HECTD4: variants seen among roughly 807,000 people sequenced by gnomAD.
The protein encoded by HECTD4 is probable E3 ubiquitin-protein ligase HECTD4.
HECTD4 carries 114 observed loss-of-function variants against 471.5 expected under a neutral mutation model. The ratio of observed to expected loss-of-function variants is 0.24; its 90% confidence interval spans 0.21 to 0.28. HECTD4 has a LOEUF of 0.28. HECTD4 is among the 10% of genes least tolerant of loss of function. The pLI, the probability that HECTD4 is intolerant of heterozygous loss-of-function variation, is 1.00. For synonymous variants in HECTD4, 2,012 were observed against 2,256.0 expected (o/e 0.89, Z 3.07); for missense variants, 3,866 against 5,651.5 (o/e 0.68, Z 10.13).
At chr12:112,269,345 AGTCTAGAACCCAG>A (rs1023950047) in intron 13 of HECTD4, among the ~76,000 whole-genome samples, 3 of 152,192 alleles carry the variant, frequency 2.0e-5, no homozygotes, top group African/African-American at 7.2e-5. Context: ...TGAGTGGCAA[AGTCTAGAACCCAG>A]GTCTGCCTGT....
At chr12:112,220,277 G>A (rs1291165292) in intron 44 of HECTD4, among the ~76,000 whole-genome samples, 1 of 151,988 alleles carries the variant, frequency 6.6e-6, no homozygotes, top group African/African-American at 2.4e-5. Context: ...GGCACACTGC[G>A]AAGTGTTGGA....
In HECTD4 at chr12:112,274,705, CAAACA is replaced by C. The variant is rs200991188; in HGVS notation, c.1801+137_1801+141del. On this transcript the variant is annotated intron_variant, in intron 10 of 75. Coordinates refer to ENST00000682272, the MANE Select transcript of HECTD4 (RefSeq NM_001388303.1). ...CTAGGTGACAGAAGAGACCCTGTCT[CAAACA>C]AAACAAAACAAAACAAAACAAAAAA... 37,068 of 619,952 alleles carry C rather than the reference CAAACA, an allele frequency of 0.06. 7,890 individuals carry two copies. The East Asian group carries it at 0.63, about 11-fold the overall frequency. The allele number at this position is 619,952 out of a possible 1,614,324, so 38.4% of individuals were successfully genotyped here.
intron 1 of HECTD4, among the ~76,000 whole-genome samples, chr12:112,360,931 C>T (rs1412325092): frequency 1.3e-5 from 2 of 150,350 alleles, no homozygotes; most frequent in South Asian, 2.1e-4. Flanking sequence ...TTGCAGTGAG[C>T]TGAGATCGCG....
At chr12:112,364,980 T>C (rs750593037) in intron 1 of HECTD4, among the ~76,000 whole-genome samples, 1 of 152,314 alleles carries the variant, frequency 6.6e-6, no homozygotes, top group East Asian at 1.9e-4. Flanking sequence ...GCAGACAATA[T>C]GTAAACAAAT....
chr12:112,264,113 A>C lies in HECTD4; in HGVS notation c.2719T>G (p.Ser907Ala), dbSNP rs769122361. Residue 907 changes from serine (S) to alanine (A), a missense_variant, in exon 17 of 76, where the codon TCC (serine) becomes GCC (alanine). By Grantham distance (99) the Ser-to-Ala change is moderately conservative. Coordinates refer to ENST00000682272, the MANE Select transcript of HECTD4 (RefSeq NM_001388303.1). The part of the protein sequence containing the change: ...KPDENDDSDS[S>A]LQGETLKVQE... ...ACCTTCAATGTCTCTCCCTGCAAGG[A>C]GCTGTCACTGTCATCATTCTCATCA... The C allele has an allele frequency of 6.2e-7, 1 of 1,610,250 alleles. No homozygotes were observed. Among genetic ancestry groups the C allele is most frequent in the Non-Finnish European group, 8.5e-7 (1 of 1,178,264 alleles).
At chr12:112,371,413 T>C (rs1257547426) in intron 1 of HECTD4, among the ~76,000 whole-genome samples, 5 of 151,790 alleles carry the variant, frequency 3.3e-5, no homozygotes, top group Non-Finnish European at 7.4e-5. Context: ...CCATCTCTTC[T>C]AAAAATACAA....
intron 9 of HECTD4, among the ~76,000 whole-genome samples, chr12:112,275,425 G>T (rs1323113830): frequency 6.6e-6 from 1 of 152,118 alleles, no homozygotes; most frequent in Non-Finnish European, 1.5e-5. Context: ...CTTAACACAG[G>T]ATAGTGCAGT....
At position 112,277,717 on chromosome 12, in the gene HECTD4, T is replaced by G. The variant is rs567636841; in HGVS notation, c.1687+1511A>C. Among the ~76,000 whole-genome samples the G allele has an allele frequency of 2.6e-5, 4 of 152,358 alleles. No homozygotes were observed. The East Asian group carries it at 7.7e-4, about 29-fold the overall frequency. On this transcript the variant is annotated intron_variant, in intron 9 of 75. Transcript: ENST00000682272. ...ATGAATAGAGAATACTCTCCATCTC[T>G]TCTCACATCACACAGCTCTCCAGTT... is the stretch of plus-strand genomic sequence containing the variant.
At chr12:112,272,342 G>T (rs372501673) in intron 11 of HECTD4, among the ~76,000 whole-genome samples, 2 of 152,176 alleles carry the variant, frequency 1.3e-5, no homozygotes, top group African/African-American at 4.8e-5. Context: ...GGGCCACAGC[G>T]CCTAGCCTCA....
chr12:112,172,189 T>C (rs1198349734), intron 67 of HECTD4, among the ~76,000 whole-genome samples: 1 of 152,212 alleles, frequency 6.6e-6, no homozygotes, highest in Admixed American at 6.5e-5. Context: ...AGGCATGAGC[T>C]AGCGCGCCTG....
At chr12:112,357,651 C>T (rs1405147137) in intron 1 of HECTD4, among the ~76,000 whole-genome samples, 1 of 152,058 alleles carries the variant, frequency 6.6e-6, no homozygotes, top group Non-Finnish European at 1.5e-5. Flanking sequence ...CTTTAAGAAC[C>T]TTGTTTACCA....
chr12:112,337,836 T>C (rs2035986311), intron 1 of HECTD4, among the ~76,000 whole-genome samples: 1 of 152,164 alleles, frequency 6.6e-6, no homozygotes, highest in Admixed American at 6.5e-5. Context: ...TTAGTAAAAA[T>C]CTCCTGCTGG....
rs539168788 is a variant in HECTD4 at position 112,382,370 on chromosome 12, A to G, written c.-242T>C. ...CGCCGCCGCCGCCGCCCTCAGGAGC[A>G]GGATCCGCCTCTGCCGCTCGGCAAC... On this transcript the variant is annotated 5_prime_UTR_variant, in exon 1 of 76. Transcript: ENST00000682272. 1.6e-5 allele frequency: 6 copies of G among 364,938 alleles called. 1 individual carries two copies. In the South Asian group the frequency reaches 2.8e-4, roughly 17 times the overall value. The allele number at this position is 364,938 out of a possible 1,614,324, so 22.6% of individuals were successfully genotyped here. A position where few individuals can be genotyped will look rare whatever the true frequency, so the allele number is the denominator to read the frequency against.
chr12:112,330,866 C>G (rs1226927326), intron 1 of HECTD4, among the ~76,000 whole-genome samples: 1 of 152,136 alleles, frequency 6.6e-6, no homozygotes. Flanking sequence ...ACATAAGAAC[C>G]TTTTAATTAG....
intron 18 of HECTD4, 36 bp from the exon 19 acceptor site, chr12:112,259,301 A>C (rs1183615051): frequency 6.2e-7 from 1 of 1,608,788 alleles, no homozygotes. Flanking sequence ...CAGCCTAAGC[A>C]ATGCCCAAAC....
chr12:112,185,396 C>G lies in HECTD4; in HGVS notation c.9570G>C (p.Gln3190His), dbSNP rs761808299. 1.1e-5 allele frequency: 18 copies of G among 1,612,676 alleles called. No individual in the cohort carries two copies. In the South Asian group the frequency reaches 2.0e-4, roughly 18 times the overall value. ...AGGACAGGCCAGCGGGGTGCCGCCT[C>G]TGCTCCAGGGTGTGCACCGTGCGCA... is the stretch of plus-strand genomic sequence containing the variant. ...ELLRTVHTLE[Q>H]RRHPAGLSSS... Residue 3190 changes from glutamine (Q) to histidine (H), a missense_variant, in exon 61 of 76, where the codon CAG becomes CAC. Gln to His is a conservative substitution (Grantham distance 24). Coordinates refer to ENST00000682272, the MANE Select transcript of HECTD4 (RefSeq NM_001388303.1).
At chr12:112,305,657 C>T (rs371011460) in intron 7 of HECTD4, among the ~76,000 whole-genome samples, 8 of 152,220 alleles carry the variant, frequency 5.3e-5, no homozygotes, top group African/African-American at 1.9e-4. Flanking sequence ...ACACTTGGCT[C>T]TCAGTGAGCA....
intron 52 of HECTD4, among the ~76,000 whole-genome samples, chr12:112,206,300 C>T (rs1190181309): frequency 6.6e-6 from 1 of 151,892 alleles, no homozygotes. Flanking sequence ...TTCAAGACCA[C>T]CCTGAGGGAT....
At position 112,216,936 on chromosome 12, in the gene HECTD4, G is replaced by A. The variant is rs2032932855; in HGVS notation, c.7237-15C>T. The A allele has an allele frequency of 6.2e-7, 1 of 1,611,840 alleles. No individual in the cohort carries two copies. The highest frequency in any genetic ancestry group is 8.5e-7 in the Non-Finnish European group (1 of 1,178,148). ...AAAGACGGGGCCTGAAGAGATGCCA[G>A]AAGAGAGCAGCAATCAGAGGGCTAA... On this transcript the variant is annotated splice_polypyrimidine_tract_variant and intron_variant, in intron 46 of 75. Transcript: ENST00000682272.
Sources: gnomAD v4.1 joint callset for allele counts (sites outside exome capture counted in the v4.1 genomes callset) on GRCh38, gnomAD v4.1.1 for gene constraint, MANE v1.5 for transcripts, NCBI Gene and HGNC (gene_info 2026-07-23, HGNC 2026-07-21) for gene names.